The following PTPRH variants were observed in gnomAD, a reference collection of about 807,000 sequenced individuals.
The protein encoded by PTPRH is receptor-type tyrosine-protein phosphatase H.
In PTPRH, 113 loss-of-function variants were observed where a neutral mutation model predicts 130.2. The ratio of observed to expected loss-of-function variants is 0.87; its 90% CI spans 0.75 to 1.01. The LOEUF (loss-of-function observed/expected upper bound fraction) is 1.01, where lower values mean the gene tolerates loss of function less well. Among genes scored for constraint, PTPRH ranks in the 50% least tolerant of loss-of-function variants. The pLI, the probability that PTPRH is intolerant of heterozygous loss-of-function variation, is 0.00. For synonymous variants in PTPRH, 556 were observed against 577.9 expected (o/e 0.96, Z 0.54); for missense variants, 1,430 against 1,425.0 (o/e 1.00, Z -0.06).
chr19:55,197,428 G>A lies in PTPRH; in HGVS notation c.1691-12C>T. On this transcript the variant is annotated splice_polypyrimidine_tract_variant and intron_variant, in intron 8 of 19. Transcript: ENST00000376350. ...GACCTCATTGGGAGCTGAGAAGTGA[G>A]AACAGAGGCCTAAGGGGGTATCCTC... 1 of 1,607,880 alleles carries A rather than the reference G, an allele frequency of 6.2e-7. No homozygotes were observed. The highest frequency in any genetic ancestry group is 8.5e-7 in the Non-Finnish European group (1 of 1,175,186).
At chr19:55,203,714 A>G (rs1195609672) in intron 5 of PTPRH, 68 bp downstream of exon 5, 1 of 1,496,994 alleles carries the variant, frequency 6.7e-7, no homozygotes, top group East Asian at 2.3e-5. Context: ...ACATTTTGTC[A>G]GCTCCCAACC....
chr19:55,195,180 C>A (rs1338991273), intron 10 of PTPRH, among the ~76,000 whole-genome samples: 1 of 152,084 alleles, frequency 6.6e-6, no homozygotes, highest in Non-Finnish European at 1.5e-5. Flanking sequence ...TAAAAGTTAG[C>A]TGGGCGTGGT....
At chr19:55,194,142 G>A (rs927943190) in intron 10 of PTPRH, 35 of 1,287,388 alleles carry the variant, frequency 2.7e-5, no homozygotes, top group Admixed American at 6.9e-5. Flanking sequence ...GAGCCACCGC[G>A]CCTGGCTGAT....
intron 19 of PTPRH, 41 bp downstream of exon 19, chr19:55,181,975 C>G (rs968771714): frequency 1.9e-6 from 3 of 1,613,472 alleles, no homozygotes; most frequent in South Asian, 2.2e-5. Flanking sequence ...GGTCCCTCGT[C>G]CCACTGCCTC....
rs1482271464 is a variant in PTPRH, at chr19:55,191,529, T to TCTG, written c.2353_2355dup (p.Gln785dup). On this transcript the variant is annotated inframe_insertion, in exon 12 of 20. Coordinates refer to ENST00000376350, the MANE Select transcript of PTPRH (RefSeq NM_002842.5). ...AAGACCAGATCCCTGAGTTCTGGTT[T>TCTG]CTGCTGCTTCTTCTTATTCCTGGGA... The TCTG allele has an allele frequency of 1.2e-6, 2 of 1,614,046 alleles. No homozygotes were observed. Among genetic ancestry groups the TCTG allele is most frequent in the African/African-American group, 2.7e-5 (2 of 74,908 alleles).
intron 7 of PTPRH, among the ~76,000 whole-genome samples, chr19:55,199,319 G>C (rs1287879494): frequency 6.6e-6 from 1 of 150,408 alleles, no homozygotes; most frequent in Non-Finnish European, 1.5e-5. Flanking sequence ...GAAAGAAAGA[G>C]AGAGAGAGGC....
rs112913803 is a variant in PTPRH at position 55,181,824 on chromosome 19, G to A, written c.3278C>T (p.Pro1093Leu). The A allele has an allele frequency of 3.1e-5, 50 of 1,614,058 alleles. No individual in the cohort carries two copies. The highest frequency in any genetic ancestry group is 1.6e-4 in the Middle Eastern group (1 of 6,072). The change falls in exon 20 of 20, where the codon CCG becomes CTG. Residue 1093 changes from proline to leucine, a missense_variant. Pro to Leu is a moderately conservative substitution (Grantham distance 98, BLOSUM62 -3). Transcript: ENST00000376350. ...SAQAPAEKEV[P>L]YEDVENLIYE... ...GATGAGGTTTTCGACATCCTCATAC[G>A]GGACTTCCTTCTCGGCTGGGGCCTG...
Position 55,202,041 on chromosome 19 carries a change from G to T in PTPRH, c.1153+15C>A. On this transcript the variant is annotated intron_variant, in intron 6 of 19. Transcript: ENST00000376350. ...AAACAAATAAGAGATCAAACAAATG[G>T]CGACTGCCTCTCACCTGTGGTGGCA... 2.5e-6 allele frequency: 4 copies of T among 1,612,986 alleles called. No individual in the cohort carries two copies. The highest frequency in any genetic ancestry group is 3.4e-6 in the Non-Finnish European group (4 of 1,179,242).
At position 55,185,565 on chromosome 19, in the gene PTPRH, C is replaced by T. The variant is rs904695508; in HGVS notation, c.2999G>A (p.Trp1000Ter). 26 of 1,614,074 alleles carry T rather than the reference C, an allele frequency of 1.6e-5. No homozygotes were observed. The highest frequency in any genetic ancestry group is 2.2e-5 in the Non-Finnish European group (26 of 1,180,030). ...PSSPDTLLAF[W>*]RMLRQWLDQT... is the part of the protein sequence containing the mutation. ...ATCCAGCCACTGCCGAAGCATCCTCCAGAAAGCCAGCAAGGTGTCTGGGGA... is the reference window on the plus strand; with the variant it reads ...ATCCAGCCACTGCCGAAGCATCCTCTAGAAAGCCAGCAAGGTGTCTGGGGA... Residue 1000 changes from tryptophan (W) to a stop codon, truncating the protein, a stop_gained, in exon 18 of 20, where the codon TGG becomes TAG. Transcript: ENST00000376350. LOFTEE classifies it high-confidence loss of function.
At chr19:55,190,855 T>A (rs1273225463) in intron 12 of PTPRH, among the ~76,000 whole-genome samples, 2 of 151,846 alleles carry the variant, frequency 1.3e-5, no homozygotes, top group African/African-American at 2.4e-5. Flanking sequence ...TACTATTATT[T>A]TTTTGAGACG....
At chr19:55,205,072 C>A (rs549798172) in intron 4 of PTPRH, among the ~76,000 whole-genome samples, 105 of 152,242 alleles carry the variant, frequency 6.9e-4, no homozygotes, top group African/African-American at 2.4e-3. Context: ...TGCCTTGGCC[C>A]CTACACATTC....
Position 55,198,221 on chromosome 19 carries a change from C to A in PTPRH, c.1690+422G>T, listed in dbSNP as rs577485005. ...ACAGAGCAAGACCCTGTCACACACA[C>A]AAAAAAGAATGAACCTAGTCTCCAG... On this transcript the variant is annotated intron_variant, in intron 8 of 19. Transcript: ENST00000376350. Among the ~76,000 whole-genome samples, 11 of 152,096 alleles carry A rather than the reference C, an allele frequency of 7.2e-5. No homozygotes were observed. In the South Asian group the frequency reaches 1.7e-3, roughly 23 times the overall value.
intron 10 of PTPRH, among the ~76,000 whole-genome samples, chr19:55,192,635 T>C (rs2086576049): frequency 6.6e-6 from 1 of 150,656 alleles, no homozygotes; most frequent in African/African-American, 2.4e-5. Flanking sequence ...CACTGCAACC[T>C]CTGCCTCCCG....
At chr19:55,189,243 C>G (rs2086453649) in intron 12 of PTPRH, among the ~76,000 whole-genome samples, 1 of 152,222 alleles carries the variant, frequency 6.6e-6, no homozygotes, top group African/African-American at 2.4e-5. Context: ...GCCTCGGCCT[C>G]CCAAAGTGCT....
intron 10 of PTPRH, among the ~76,000 whole-genome samples, chr19:55,193,576 G>A (rs34709472): frequency 0.021 from 3,177 of 152,324 alleles, 48 homozygotes; most frequent in Non-Finnish European, 0.032. Context: ...TTGGAAGTGG[G>A]AGTGCTGCTG....
chr19:55,201,260 C>T lies in PTPRH; in HGVS notation c.1154-758G>A, dbSNP rs564070734. Reference sequence around the variant, plus strand: ...GGCATGGTGGCCCACGCCTGTAGTCCCTGCTACTTGGGAGGCTGAGGTCGG... The same window carrying T: ...GGCATGGTGGCCCACGCCTGTAGTCTCTGCTACTTGGGAGGCTGAGGTCGG... On this transcript the variant is annotated intron_variant, in intron 6 of 19. Transcript: ENST00000376350. Among the ~76,000 whole-genome samples the T allele has an allele frequency of 3.3e-5, 5 of 152,258 alleles. No homozygotes were observed. The South Asian group carries it at 1.0e-3, about 32-fold the overall frequency.
chr19:55,203,027 C>G (rs1208503359), intron 5 of PTPRH, among the ~76,000 whole-genome samples: 1 of 142,522 alleles, frequency 7.0e-6, no homozygotes, highest in Non-Finnish European at 1.5e-5. Flanking sequence ...GACAGAGACT[C>G]TGTCCCAAAA....
chr19:55,195,714 C>T (rs1279529395), intron 10 of PTPRH, among the ~76,000 whole-genome samples: 3 of 152,180 alleles, frequency 2.0e-5, no homozygotes, highest in African/African-American at 7.2e-5. Flanking sequence ...GCTAGGACTA[C>T]AGACACACAC....
chr19:55,187,344 CAAAAAAAAAAAAAAAAGAAAAAAA>C (rs1295247070), intron 14 of PTPRH, among the ~76,000 whole-genome samples, 145 bp downstream of exon 14: 2 of 45,310 alleles, frequency 4.4e-5, no homozygotes, highest in Non-Finnish European at 8.3e-5. Context: ...GACTCCGTCT[CAAAAAAAAAAAAAAAAGAAAAAAA>C]GAAAAAAAAA....
Sources: allele counts gnomAD v4.1 joint callset (sites outside exome capture counted in the v4.1 genomes callset), GRCh38; gene constraint gnomAD v4.1.1; transcripts MANE v1.5; gene names NCBI Gene and HGNC (gene_info 2026-07-23, HGNC 2026-07-21).